CNTNAP2: variants seen among roughly 807,000 people sequenced by gnomAD.
The protein encoded by CNTNAP2 is contactin-associated protein-like 2.
Under a neutral mutation model 155.2 loss-of-function variants are expected in CNTNAP2, and 98 were observed. That is an observed-to-expected ratio of 0.63 (90% CI 0.54 to 0.75). The LOEUF (loss-of-function observed/expected upper bound fraction) is 0.75. CNTNAP2 is among the 30% of genes least tolerant of loss of function. CNTNAP2 has a pLI of 0.00. For missense variants in CNTNAP2, 1,727 were observed against 1,688.1 expected (o/e 1.02, Z -0.40); for synonymous variants, 651 against 631.2 (o/e 1.03, Z -0.47).
chr7:147,366,915 T>C (rs1478868674), intron 9 of CNTNAP2, among the ~76,000 whole-genome samples: 1 of 152,164 alleles, frequency 6.6e-6, no homozygotes, highest in Non-Finnish European at 1.5e-5. Context: ...TCCACTTTCG[T>C]AAAAGTTCCA....
intron 10 of CNTNAP2, among the ~76,000 whole-genome samples, chr7:147,454,309 T>C (rs1168876382): frequency 2.6e-5 from 4 of 152,152 alleles, no homozygotes; most frequent in African/African-American, 9.7e-5. Flanking sequence ...CAATAGGACG[T>C]CGAGTTTAAG....
chr7:146,801,855 T>G (rs979818529), intron 2 of CNTNAP2, among the ~76,000 whole-genome samples: 1 of 152,296 alleles, frequency 6.6e-6, no homozygotes, highest in Admixed American at 6.5e-5. Context: ...GAAAGTGAGA[T>G]GCAGATGACA....
At chr7:147,984,296 G>A (rs1468563193) in intron 15 of CNTNAP2, among the ~76,000 whole-genome samples, 3 of 152,160 alleles carry the variant, frequency 2.0e-5, no homozygotes, top group African/African-American at 7.2e-5. Flanking sequence ...CTAATCCTGT[G>A]ACTTAGAACT....
intron 1 of CNTNAP2, among the ~76,000 whole-genome samples, chr7:146,382,789 G>A (rs1795408438): frequency 6.6e-6 from 1 of 152,060 alleles, no homozygotes; most frequent in Non-Finnish European, 1.5e-5. Flanking sequence ...GATGCTTTTA[G>A]AACGGTGCTG....
chr7:147,055,358 G>A (rs570234459), intron 4 of CNTNAP2, among the ~76,000 whole-genome samples: 1 of 152,312 alleles, frequency 6.6e-6, no homozygotes, highest in East Asian at 1.9e-4. Flanking sequence ...ATTAAGGACT[G>A]TCCCTATTAC....
intron 1 of CNTNAP2, among the ~76,000 whole-genome samples, chr7:146,347,282 T>C (rs1794834162): frequency 1.3e-5 from 2 of 152,020 alleles, no homozygotes; most frequent in Admixed American, 6.6e-5. Flanking sequence ...CAGGCAGAGA[T>C]TGAGGCAAGA....
chr7:147,093,083 A>G (rs1386119369), intron 4 of CNTNAP2, among the ~76,000 whole-genome samples: 30 of 150,824 alleles, frequency 2.0e-4, no homozygotes, highest in African/African-American at 6.1e-4. Context: ...ATATATATAT[A>G]TATATATATT....
At chr7:146,711,734 CATATATAGTATACACATCTTATGTATACA>C (rs1443242085) in intron 1 of CNTNAP2, among the ~76,000 whole-genome samples, 6 of 144,478 alleles carry the variant, frequency 4.2e-5, no homozygotes, top group Non-Finnish European at 7.6e-5. Context: ...CTTATGTATA[CATATATAGTATACACATCTTATGTATACA>C]TATATAGTAT....
At chr7:146,281,601 C>T (rs1008187120) in intron 1 of CNTNAP2, among the ~76,000 whole-genome samples, 5 of 151,976 alleles carry the variant, frequency 3.3e-5, no homozygotes, top group African/African-American at 9.7e-5. Flanking sequence ...TTGAGACCAG[C>T]CTGATCAACA....
At chr7:146,266,875 C>A (rs1800001957) in intron 1 of CNTNAP2, among the ~76,000 whole-genome samples, 1 of 148,068 alleles carries the variant, frequency 6.8e-6, no homozygotes. Context: ...AAGGAAGGTT[C>A]ACATTGCTGA....
intron 15 of CNTNAP2, among the ~76,000 whole-genome samples, chr7:148,015,799 A>C (rs1461943425): frequency 1.3e-5 from 2 of 152,232 alleles, no homozygotes; most frequent in East Asian, 3.8e-4. Flanking sequence ...CCAGAAGACA[A>C]AGAGATTAGT....
At chr7:146,895,780 A>G (rs1052647946) in intron 3 of CNTNAP2, among the ~76,000 whole-genome samples, 2 of 152,136 alleles carry the variant, frequency 1.3e-5, no homozygotes, top group African/African-American at 2.4e-5. Flanking sequence ...TCATATCTCC[A>G]AAGTTAACTC....
intron 1 of CNTNAP2, among the ~76,000 whole-genome samples, chr7:146,301,387 G>A (rs1389634366): frequency 6.6e-6 from 1 of 152,086 alleles, no homozygotes; most frequent in Non-Finnish European, 1.5e-5. Flanking sequence ...CACTTTGGAA[G>A]GCTGAGACGG....
At chr7:146,935,665 G>A (rs1796899933) in intron 3 of CNTNAP2, among the ~76,000 whole-genome samples, 2 of 152,182 alleles carry the variant, frequency 1.3e-5, no homozygotes, top group Admixed American at 6.5e-5. Flanking sequence ...TGAAAGTTAT[G>A]CTAAATAATC....
rs79980916 is a variant in CNTNAP2 at position 147,425,018 on chromosome 7, C to T, written c.1670+29238C>T. On this transcript the variant is annotated intron_variant, in intron 10 of 23. Coordinates refer to ENST00000361727, the MANE Select transcript of CNTNAP2 (RefSeq NM_014141.6). ...ACCTTCCAGTTGATCTTCCTGCTTT[C>T]ACCCATGCCCTGTCCCCATGGTCTA... Among the ~76,000 whole-genome samples the T allele has an allele frequency of 1.6e-4, 24 of 152,260 alleles. 1 individual carries two copies. The East Asian group carries it at 4.6e-3, about 29-fold the overall frequency.
chr7:147,606,252 T>A (rs1257298406), intron 12 of CNTNAP2, among the ~76,000 whole-genome samples: 1 of 152,222 alleles, frequency 6.6e-6, no homozygotes, highest in Non-Finnish European at 1.5e-5. Context: ...TCACTTACCA[T>A]AAATGAATCA....
At chr7:147,900,074 T>A (rs4431523) in intron 13 of CNTNAP2, among the ~76,000 whole-genome samples, 1 of 151,870 alleles carries the variant, frequency 6.6e-6, no homozygotes, top group Non-Finnish European at 1.5e-5. Context: ...AAACTCTTAG[T>A]TCCCCATCTT....
At chr7:148,144,988 G>A (rs1315565339) in intron 16 of CNTNAP2, among the ~76,000 whole-genome samples, 1 of 152,148 alleles carries the variant, frequency 6.6e-6, no homozygotes, top group African/African-American at 2.4e-5. Flanking sequence ...ACTGGGGGAT[G>A]GGATTTCTCA....
intron 1 of CNTNAP2, among the ~76,000 whole-genome samples, chr7:146,691,142 C>T (rs544518591): frequency 6.6e-5 from 10 of 152,170 alleles, no homozygotes; most frequent in South Asian, 6.2e-4. Flanking sequence ...AAACAATTTC[C>T]GCCATTTTCT....
Sources: gnomAD v4.1 joint callset for allele counts (sites outside exome capture counted in the v4.1 genomes callset) on GRCh38, gnomAD v4.1.1 for gene constraint, MANE v1.5 for transcripts, NCBI Gene and HGNC (gene_info 2026-07-23, HGNC 2026-07-21) for gene names.